Variants in CCDC33 observed in about 807,000 individuals in gnomAD.
The protein encoded by CCDC33 is coiled-coil domain-containing protein 33.
In CCDC33, 94 loss-of-function variants were observed where a neutral mutation model predicts 91.9. That is an observed-to-expected ratio of 1.02 (90% CI 0.87 to 1.21). CCDC33 has a LOEUF of 1.21. CCDC33 is among the 50% of genes most tolerant of loss of function. The pLI, the probability that CCDC33 is intolerant of heterozygous loss-of-function variation, is 0.00. For missense variants in CCDC33, 940 were observed against 935.5 expected, an observed-to-expected ratio of 1.00 and a Z score of -0.06; for synonymous variants, 396 against 374.5, an observed-to-expected ratio of 1.06 and a Z score of -0.66.
At chr15:74,320,055 A>C (rs377450233) in intron 11 of CCDC33, among the ~76,000 whole-genome samples, 37 of 152,250 alleles carry the variant, frequency 2.4e-4, no homozygotes, top group African/African-American at 8.4e-4. Context: ...TTTAAACAGC[A>C]ATTTGCACAG....
intron 11 of CCDC33, chr15:74,318,462 A>C: frequency 3.4e-5 from 18 of 532,654 alleles, no homozygotes; most frequent in Non-Finnish European, 3.7e-5. Flanking sequence ...ACCCTGGAAC[A>C]AAGGGGAAGT....
upstream of CCDC33, among the ~76,000 whole-genome samples, chr15:74,233,454 G>A (rs1009864668): frequency 2.6e-5 from 4 of 152,218 alleles, no homozygotes; most frequent in Non-Finnish European, 1.5e-5. Context: ...CAGGACCTTC[G>A]AGGGCTGCTC....
intron 1 of CCDC33, among the ~76,000 whole-genome samples, chr15:74,206,960 G>A (rs1378700223): frequency 6.6e-6 from 1 of 152,214 alleles, no homozygotes; most frequent in African/African-American, 2.4e-5. Flanking sequence ...GCTCACTATG[G>A]GAGGAGGTCC....
chr15:74,236,718 G>C lies in CCDC33; in HGVS notation c.-2G>C. On this transcript the variant is annotated 5_prime_UTR_variant, in exon 1 of 19. Coordinates refer to ENST00000398814, the MANE Select transcript of CCDC33 (RefSeq NM_025055.5). ...AGGCCAGACACTCCTGGCCTCAAGA[G>C]GATGGGACTGAAAAACAAAAAGGTA... The C allele has an allele frequency of 1.2e-6, 2 of 1,613,912 alleles. No individual in the cohort carries two copies. Among genetic ancestry groups the C allele is most frequent in the Non-Finnish European group, 1.7e-6 (2 of 1,179,898 alleles).
At chr15:74,270,316 G>C (rs758941315) in intron 5 of CCDC33, among the ~76,000 whole-genome samples, 1 of 152,184 alleles carries the variant, frequency 6.6e-6, no homozygotes, top group South Asian at 2.1e-4. Flanking sequence ...GGTGGGAGCT[G>C]CAGGGAGTCT....
rs1425986984 is a variant in CCDC33, at chr15:74,208,012, TG to T, written n.90-1375del. ...GAAGCACCATCTGATGTGCCCTTCC[TG>T]CAATTCTCATGCCCCCCTCACCAAC... On this transcript the variant is annotated intron_variant and non_coding_transcript_variant, in intron 1 of 3. Coordinates refer to the CCDC33 transcript ENST00000558645. 3 of 1,384,888 alleles carry T rather than the reference TG, an allele frequency of 2.2e-6. No individual in the cohort carries two copies. The African/African-American group carries it at 4.4e-5, about 20-fold the overall frequency. The allele number at this position is 1,384,888 out of a possible 1,614,324, so 85.8% of individuals were successfully genotyped here.
chr15:74,248,227 A>T (rs1436412310), intron 2 of CCDC33, among the ~76,000 whole-genome samples: 1 of 151,626 alleles, frequency 6.6e-6, no homozygotes, highest in African/African-American at 2.4e-5. Flanking sequence ...TGTGTATCAA[A>T]TCATCACTGT....
At chr15:74,284,472 C>T (rs1163858638) in intron 10 of CCDC33, among the ~76,000 whole-genome samples, 1 of 152,230 alleles carries the variant, frequency 6.6e-6, no homozygotes, top group Non-Finnish European at 1.5e-5. Flanking sequence ...CATCCCTCAT[C>T]ACCACCTTCA....
chr15:74,240,439 A>T (rs570332847), intron 1 of CCDC33, among the ~76,000 whole-genome samples: 5 of 152,306 alleles, frequency 3.3e-5, no homozygotes, highest in Non-Finnish European at 7.4e-5. Context: ...ATCTAGGAAC[A>T]TGAATCACCC....
At chr15:74,324,221 G>A (rs2060263668) in intron 11 of CCDC33, among the ~76,000 whole-genome samples, 1 of 151,824 alleles carries the variant, frequency 6.6e-6, no homozygotes, top group Non-Finnish European at 1.5e-5. Context: ...TCATGGAGAG[G>A]GCACCGTGAC....
upstream of CCDC33, among the ~76,000 whole-genome samples, chr15:74,233,737 G>T (rs1330622647): frequency 1.3e-5 from 2 of 152,224 alleles, no homozygotes; most frequent in Non-Finnish European, 2.9e-5. Context: ...TACCTGCGTG[G>T]TCTCATTCAG....
chr15:74,239,100 A>G (rs2075268127), intron 1 of CCDC33, among the ~76,000 whole-genome samples: 1 of 152,196 alleles, frequency 6.6e-6, no homozygotes, highest in African/African-American at 2.4e-5. Context: ...AACTTGCCCA[A>G]ATGACAGATC....
rs1335861039 is a variant in CCDC33 at position 74,266,727 on chromosome 15, C to T, written c.369C>T (p.Ser123=). 1 of 1,614,076 alleles carries T rather than the reference C, an allele frequency of 6.2e-7. No homozygotes were observed. The highest frequency in any genetic ancestry group is 2.2e-5 in the East Asian group (1 of 44,898). Residue 123 remains serine, a synonymous_variant, in exon 4 of 19, where the codon TCC becomes TCT. Coordinates refer to ENST00000398814, the MANE Select transcript of CCDC33 (RefSeq NM_025055.5). ...ACAGAAAGAAACAGGAGTTGTTGTC[C>T]TACAAAATCCCCATCAAGTACCTGC... ...VDNRKKQELL[S]YKIPIKYLRV...
chr15:74,303,897 C>T (rs898335430), intron 11 of CCDC33: 4 of 152,372 alleles, frequency 2.6e-5, no homozygotes, highest in African/African-American at 7.2e-5. Flanking sequence ...CCTGTCCCTC[C>T]CCCAACTCTG....
intron 2 of CCDC33, among the ~76,000 whole-genome samples, chr15:74,250,898 G>T (rs1480898939): frequency 6.6e-6 from 1 of 152,224 alleles, no homozygotes; most frequent in Non-Finnish European, 1.5e-5. Flanking sequence ...AGTGTGAGAT[G>T]CTGCGGGTCT....
chr15:74,256,189 GC>G (rs1223434598), intron 2 of CCDC33, among the ~76,000 whole-genome samples: 1 of 152,164 alleles, frequency 6.6e-6, no homozygotes, highest in Non-Finnish European at 1.5e-5. Flanking sequence ...GGCCATCCAG[GC>G]TCCAGTCGCC....
intron 11 of CCDC33, chr15:74,304,319 G>A (rs943736937): frequency 5.9e-5 from 9 of 152,132 alleles, no homozygotes; most frequent in Admixed American, 1.3e-4. Context: ...CGATCAAGGC[G>A]GAGAATAAAA....
chr15:74,224,997 GAAGAGCC>G (rs1452513369), intron 2 of CCDC33, among the ~76,000 whole-genome samples: 10 of 152,114 alleles, frequency 6.6e-5, no homozygotes, highest in Non-Finnish European at 1.5e-4. Flanking sequence ...GCTAGTCTGG[GAAGAGCC>G]TCCATTAGCA....
intron 11 of CCDC33, among the ~76,000 whole-genome samples, chr15:74,310,168 A>T (rs551859194): frequency 6.6e-6 from 1 of 152,148 alleles, no homozygotes; most frequent in South Asian, 2.1e-4. Context: ...CAAAATAAAA[A>T]CAAAAACAAC....
Sources: allele counts gnomAD v4.1 joint callset (sites outside exome capture counted in the v4.1 genomes callset), GRCh38; gene constraint gnomAD v4.1.1; transcripts MANE v1.5; gene names NCBI Gene and HGNC (gene_info 2026-07-23, HGNC 2026-07-21).